The following PTPRN2 variants were observed in gnomAD, a reference collection of about 807,000 sequenced individuals.
PTPRN2 encodes the protein receptor-type tyrosine-protein phosphatase N2.
PTPRN2 carries 74 observed loss-of-function variants against 118.8 expected under a neutral mutation model. That is an observed-to-expected ratio of 0.62 (90% CI 0.52 to 0.76). The LOEUF (loss-of-function observed/expected upper bound fraction) is 0.76. PTPRN2 is among the 30% of genes least tolerant of loss of function. The pLI is 0.00. For synonymous variants in PTPRN2, 641 were observed against 608.0 expected (o/e 1.05, Z -0.80); for missense variants, 1,481 against 1,394.4 (o/e 1.06, Z -0.99).
At chr7:158,566,286 G>A (rs1373140011) in intron 1 of PTPRN2, among the ~76,000 whole-genome samples, 1 of 151,920 alleles carries the variant, frequency 6.6e-6, no homozygotes, top group East Asian at 1.9e-4. Flanking sequence ...CCCAGGAGGA[G>A]GAAATTGCAG....
At chr7:158,429,602 G>A (rs561230871) in intron 2 of PTPRN2, among the ~76,000 whole-genome samples, 8 of 152,320 alleles carry the variant, frequency 5.3e-5, no homozygotes, top group Non-Finnish European at 8.8e-5. Flanking sequence ...GCCACCCTCC[G>A]CTCAAGCACA....
intron 12 of PTPRN2, among the ~76,000 whole-genome samples, chr7:157,740,864 G>A (rs774344438): frequency 3.9e-5 from 6 of 152,092 alleles, no homozygotes; most frequent in South Asian, 2.1e-4. Context: ...AATTAGAGCC[G>A]CTCTCTCTCC....
intron 3 of PTPRN2, among the ~76,000 whole-genome samples, chr7:158,254,126 T>C (rs12671573): frequency 1.9e-3 from 28 of 14,692 alleles, no homozygotes; most frequent in Middle Eastern, 0.036. Context: ...GCCCACGGCA[T>C]GACCCGCCCT....
chr7:158,219,179 C>T (rs1203551930), intron 3 of PTPRN2, among the ~76,000 whole-genome samples: 1 of 151,862 alleles, frequency 6.6e-6, no homozygotes, highest in Non-Finnish European at 1.5e-5. Context: ...AAGCAAGTCT[C>T]AAAAAAATCC....
intron 5 of PTPRN2, among the ~76,000 whole-genome samples, chr7:158,171,306 CACATAT>C (rs1563555669): frequency 9.0e-5 from 3 of 33,424 alleles, no homozygotes; most frequent in Non-Finnish European, 1.7e-4. Flanking sequence ...TATATATACA[CACATAT>C]ATATATATAT....
intron 15 of PTPRN2, among the ~76,000 whole-genome samples, chr7:157,604,943 C>T (rs1161459398): frequency 1.3e-5 from 2 of 152,230 alleles, no homozygotes; most frequent in Admixed American, 1.3e-4. Context: ...GCCGCAAGAG[C>T]CCCTCCTGCA....
At chr7:157,911,474 C>T (rs1798104992) in intron 11 of PTPRN2, among the ~76,000 whole-genome samples, 7 of 152,152 alleles carry the variant, frequency 4.6e-5, no homozygotes, top group Admixed American at 3.9e-4. Context: ...GAAATGATTC[C>T]TCTCACCAAC....
chr7:158,117,214 C>CAAAG (rs1459442446), intron 9 of PTPRN2, among the ~76,000 whole-genome samples: 1 of 151,868 alleles, frequency 6.6e-6, no homozygotes, highest in African/African-American at 2.4e-5. Context: ...ATGAAAATGT[C>CAAAG]AAAGAGAAAA....
intron 3 of PTPRN2, among the ~76,000 whole-genome samples, chr7:158,244,092 TC>T (rs1403913309): frequency 6.6e-6 from 1 of 152,120 alleles, no homozygotes; most frequent in Non-Finnish European, 1.5e-5. Context: ...TGGCCCATTT[TC>T]CCCACTGACC....
At position 157,841,831 on chromosome 7, in the gene PTPRN2, A is replaced by G. The variant is rs56808725; in HGVS notation, c.1788+56842T>C. On this transcript the variant is annotated intron_variant, in intron 12 of 22. Coordinates refer to ENST00000389418, the MANE Select transcript of PTPRN2 (RefSeq NM_002847.5). ...GGACGTCCTCTCTGGTTATCAGGAG[A>G]ACACCCTGGATTCTGCGCTTTCCTT... Among the ~76,000 whole-genome samples the G allele has an allele frequency of 5.9e-3, 893 of 152,264 alleles. 8 individuals are homozygous for G. Among genetic ancestry groups the G allele is most frequent in the African/African-American group, 0.021 (879 of 41,550 alleles).
In PTPRN2 at chr7:158,167,274, G is replaced by A. The variant is rs373538838; in HGVS notation, c.567C>T (p.Ser189=). 1.4e-4 allele frequency: 229 copies of A among 1,602,680 alleles called. No homozygotes were observed. The highest frequency in any genetic ancestry group is 6.6e-4 in the Middle Eastern group (4 of 6,022). Residue 189 remains serine (S), a synonymous_variant, in exon 6 of 23, where the codon TCC becomes TCT. Transcript: ENST00000389418. ...GGGCCACATAGGTCAGGATGCTCTC[G>A]GAGAAGCGGTCATCACCCTGAAGGA... ...RPPAEGDDRF[S]ESILTYVAHT... is the part of the protein sequence containing the mutation.
intron 5 of PTPRN2, among the ~76,000 whole-genome samples, chr7:158,170,772 C>A (rs1014768971): frequency 1.3e-5 from 2 of 152,020 alleles, no homozygotes; most frequent in Admixed American, 1.3e-4. Context: ...GTTTGAGGTC[C>A]CCAAGGAAAA....
At chr7:157,624,094 T>C (rs2150649648) in intron 14 of PTPRN2, among the ~76,000 whole-genome samples, 1 of 152,168 alleles carries the variant, frequency 6.6e-6, no homozygotes, top group Non-Finnish European at 1.5e-5. Context: ...CCCCTACTTA[T>C]GATGGGTTAT....
At chr7:157,684,276 C>G (rs958498760) in intron 12 of PTPRN2, among the ~76,000 whole-genome samples, 10 of 151,790 alleles carry the variant, frequency 6.6e-5, no homozygotes, top group Non-Finnish European at 1.0e-4. Context: ...ATTTTCCTGC[C>G]TGGATGCGCG....
At chr7:157,634,598 G>A (rs576652665) in intron 14 of PTPRN2, among the ~76,000 whole-genome samples, 3 of 152,248 alleles carry the variant, frequency 2.0e-5, no homozygotes, top group East Asian at 3.9e-4. Flanking sequence ...TCAATGCATC[G>A]CGACCGGGCA....
intron 11 of PTPRN2, among the ~76,000 whole-genome samples, chr7:158,071,051 ATGG>A (rs1266765482): frequency 1.2e-4 from 3 of 24,252 alleles, no homozygotes; most frequent in Non-Finnish European, 2.1e-4. Context: ...GGAGGTGCTC[ATGG>A]TGGTGGAGGT....
intron 14 of PTPRN2, among the ~76,000 whole-genome samples, chr7:157,638,153 T>C (rs187901747): frequency 1.3e-5 from 2 of 152,378 alleles, no homozygotes; most frequent in Admixed American, 1.3e-4. Flanking sequence ...CAGAAAGACT[T>C]GCTTGTCTGA....
At chr7:157,566,698 C>T (rs565358121) in intron 21 of PTPRN2, among the ~76,000 whole-genome samples, 3 of 152,344 alleles carry the variant, frequency 2.0e-5, no homozygotes, top group Admixed American at 6.5e-5. Flanking sequence ...CATCACATGC[C>T]ACAATGGAGC....
At chr7:158,535,659 T>C (rs746482371) in intron 1 of PTPRN2, among the ~76,000 whole-genome samples, 10 of 151,876 alleles carry the variant, frequency 6.6e-5, no homozygotes, top group Non-Finnish European at 1.3e-4. Context: ...CATTAGAAAT[T>C]AGGCAATAAA....
Sources: allele counts gnomAD v4.1 joint callset (sites outside exome capture counted in the v4.1 genomes callset), GRCh38; gene constraint gnomAD v4.1.1; transcripts MANE v1.5; gene names NCBI Gene and HGNC (gene_info 2026-07-23, HGNC 2026-07-21).